Variants in PGR observed in about 807,000 individuals in gnomAD.
The protein encoded by PGR is progesterone receptor.
Under a neutral mutation model 76.1 loss-of-function variants are expected in PGR, and 25 were observed. The ratio of observed to expected loss-of-function variants is 0.33; its 90% CI spans 0.24 to 0.46. The LOEUF (loss-of-function observed/expected upper bound fraction) is 0.46, where lower values mean the gene tolerates loss of function less well. PGR is among the 20% of genes least tolerant of loss of function. The pLI is 1.00. For missense variants in PGR, 1,172 were observed against 1,225.3 expected (o/e 0.96, Z 0.65); for synonymous variants, 579 against 535.0 (o/e 1.08, Z -1.14).
chr11:101,047,078 T>G (rs1244974518), intron 6 of PGR, among the ~76,000 whole-genome samples: 1 of 152,168 alleles, frequency 6.6e-6, no homozygotes, highest in South Asian at 2.1e-4. Context: ...TCTTCCTTTT[T>G]GTGAAGTGGC....
At chr11:101,094,127 A>G (rs1363394538) in intron 2 of PGR, among the ~76,000 whole-genome samples, 1 of 152,188 alleles carries the variant, frequency 6.6e-6, no homozygotes, top group African/African-American at 2.4e-5. Flanking sequence ...CATCCAAAAA[A>G]GTTCCAGCAC....
chr11:101,045,224 T>C lies in PGR; in HGVS notation c.2489-3122A>G, dbSNP rs188557968. ...TAAAGGAGACTCTGAAGAGTAATTC[T>C]GGCAATTCAGTATATCTATGCAAAT... On this transcript the variant is annotated intron_variant, in intron 6 of 7. Transcript: ENST00000325455. Among the ~76,000 whole-genome samples the C allele has an allele frequency of 2.1e-3, 317 of 152,314 alleles. 1 individual carries two copies. The highest frequency in any genetic ancestry group is 2.5e-3 in the Non-Finnish European group (172 of 68,020).
intron 2 of PGR, among the ~76,000 whole-genome samples, chr11:101,106,248 A>C (rs995254810): frequency 6.6e-6 from 1 of 152,110 alleles, no homozygotes; most frequent in Non-Finnish European, 1.5e-5. Flanking sequence ...AAACTAAAGA[A>C]CTTCTGCACA....
chr11:101,089,713 AAGGG>A (rs1229773725), intron 3 of PGR, among the ~76,000 whole-genome samples: 1 of 143,054 alleles, frequency 7.0e-6, no homozygotes, highest in Admixed American at 6.9e-5. Flanking sequence ...AAGAAGAAGG[AAGGG>A]AGGGAGGGAG....
intron 4 of PGR, among the ~76,000 whole-genome samples, chr11:101,053,470 C>T (rs1860167157): frequency 6.6e-6 from 1 of 151,712 alleles, no homozygotes; most frequent in African/African-American, 2.4e-5. Flanking sequence ...AAGGGATGCT[C>T]TTCAATGTCT....
At position 101,035,876 on chromosome 11, in the gene PGR, G is replaced by C. The variant is rs1332449152; in HGVS notation, c.*3240C>G. The C allele has an allele frequency of 4.3e-6, 1 of 230,114 alleles. No homozygotes were observed. The highest frequency in any genetic ancestry group is 5.7e-5 in the Admixed American group (1 of 17,686). The allele number at this position is 230,114 out of a possible 1,614,324, so 14.3% of individuals were successfully genotyped here. ...AATCCTGCTTTCACTGTAGAATATA[G>C]CTGGTGAGTTTGATAAAATTATAGC... On this transcript the variant is annotated 3_prime_UTR_variant, in exon 8 of 8. Transcript: ENST00000325455.
chr11:101,102,741 C>A (rs540805948), intron 2 of PGR, among the ~76,000 whole-genome samples: 1 of 151,844 alleles, frequency 6.6e-6, no homozygotes, highest in East Asian at 1.9e-4. Context: ...TTTCATGTAA[C>A]CTTGTAACAA....
intron 7 of PGR, among the ~76,000 whole-genome samples, chr11:101,041,245 A>G (rs1859684940): frequency 6.6e-6 from 1 of 151,956 alleles, no homozygotes; most frequent in Non-Finnish European, 1.5e-5. Context: ...CAGGAGTAAG[A>G]CCTCAAAAGT....
chr11:101,062,424 C>T (rs1301218183), intron 4 of PGR, 23 bp downstream of exon 4: 3 of 1,551,300 alleles, frequency 1.9e-6, no homozygotes, highest in Middle Eastern at 3.4e-4. Flanking sequence ...TTATTACATG[C>T]TGTATATAAA....
In PGR at chr11:101,046,435, C is replaced by T. The variant is rs533376214; in HGVS notation, c.2488+3494G>A. Among the ~76,000 whole-genome samples, 33 of 149,302 alleles carry T rather than the reference C, an allele frequency of 2.2e-4. 1 individual carries two copies. In the South Asian group the frequency reaches 5.1e-3, roughly 23 times the overall value. On this transcript the variant is annotated intron_variant, in intron 6 of 7. Coordinates refer to ENST00000325455, the MANE Select transcript of PGR (RefSeq NM_000926.4). The stretch of plus-strand genomic sequence containing the variant: ...CCCAAAGTGTGATTAGAAATGTGAC[C>T]GACTACATCTGGCCTTTAGTGTAAT...
chr11:101,087,813 C>T (rs1861543502), intron 3 of PGR, among the ~76,000 whole-genome samples: 1 of 151,932 alleles, frequency 6.6e-6, no homozygotes, highest in Non-Finnish European at 1.5e-5. Context: ...ATACAAGCAG[C>T]CAACAAACAT....
At chr11:101,059,848 A>G (rs192650717) in intron 4 of PGR, among the ~76,000 whole-genome samples, 1,979 of 134,276 alleles carry the variant, frequency 0.015, 22 homozygotes, top group African/African-American at 0.047. Context: ...CTCTCAAAAA[A>G]AAAAAAAAAA....
intron 2 of PGR, among the ~76,000 whole-genome samples, chr11:101,102,860 G>T (rs1362898618): frequency 6.7e-6 from 1 of 149,750 alleles, no homozygotes; most frequent in Non-Finnish European, 1.5e-5. Flanking sequence ...GGGCAGTGAG[G>T]GGTGGGGGGG....
intron 2 of PGR, among the ~76,000 whole-genome samples, chr11:101,101,336 G>A (rs1303417142): frequency 6.6e-6 from 1 of 152,154 alleles, no homozygotes; most frequent in East Asian, 1.9e-4. Flanking sequence ...AACCACTGGA[G>A]ATTACTAGGG....
chr11:101,070,629 C>A (rs1179925836), intron 3 of PGR, among the ~76,000 whole-genome samples: 1 of 152,144 alleles, frequency 6.6e-6, no homozygotes, highest in Non-Finnish European at 1.5e-5. Context: ...GACGCTGGAG[C>A]ATGGTGGTGG....
rs1274115690 is a variant in PGR at position 101,050,024 on chromosome 11, C to T, written c.2393G>A (p.Cys798Tyr). 3.1e-6 allele frequency: 5 copies of T among 1,612,510 alleles called. No individual in the cohort carries two copies. The highest frequency in any genetic ancestry group is 4.2e-6 in the Non-Finnish European group (5 of 1,179,070). The change falls in exon 6 of 8, where the codon TGC (cysteine) becomes TAC (tyrosine). Residue 798 changes from cysteine to tyrosine, a missense_variant. Transcript: ENST00000325455. Reference sequence around the variant, plus strand: ...CTGTGGGATCTGCCACATGGTAAGGCATAATGAATAGAATGATGATTCTTT... The same window carrying T: ...CTGTGGGATCTGCCACATGGTAAGGTATAATGAATAGAATGATGATTCTTT... ...RMKESSFYSL[C>Y]LTMWQIPQEF...
chr11:101,108,069 C>T (rs1339249200), intron 2 of PGR, among the ~76,000 whole-genome samples: 1 of 151,282 alleles, frequency 6.6e-6, no homozygotes, highest in African/African-American at 2.4e-5. Flanking sequence ...GCCTAGCCAA[C>T]ACAGTGAAAC....
chr11:101,081,194 C>G (rs1189473940), intron 3 of PGR, among the ~76,000 whole-genome samples: 1 of 152,086 alleles, frequency 6.6e-6, no homozygotes, highest in African/African-American at 2.4e-5. Context: ...CTTTGGGAGG[C>G]TGAGGCAGGT....
chr11:101,126,155 C>T lies in PGR; in HGVS notation c.1641G>A (p.Pro547=), dbSNP rs1356553793. Residue 547 remains proline, a synonymous_variant, in exon 2 of 8, where the codon CCG becomes CCA. Coordinates refer to ENST00000325455, the MANE Select transcript of PGR (RefSeq NM_000926.4). ...VYPPYLNYLR[P]DSEASQSPQY... ...GTGGGCTCTGGCTGGCTTCTGAATC[C>T]GGCCTTGAAATGCAAAACAAAGTAC... is the stretch of plus-strand genomic sequence containing the variant. 6 of 1,613,858 alleles carry T rather than the reference C, an allele frequency of 3.7e-6. No homozygotes were observed. Among genetic ancestry groups the T allele is most frequent in the Non-Finnish European group, 5.1e-6 (6 of 1,179,942 alleles).
Sources: gnomAD v4.1 joint callset for allele counts (sites outside exome capture counted in the v4.1 genomes callset) on GRCh38, gnomAD v4.1.1 for gene constraint, MANE v1.5 for transcripts, NCBI Gene and HGNC (gene_info 2026-07-23, HGNC 2026-07-21) for gene names.